The following ZNF185 variants were observed in gnomAD, a reference collection of about 807,000 sequenced individuals.
ZNF185 encodes zinc finger protein 185 with LIM domain, also known as zinc finger protein 185.
In ZNF185, 56 loss-of-function variants were observed where a neutral mutation model predicts 58.6. That is an observed-to-expected ratio of 0.95 (90% CI 0.77 to 1.19). The LOEUF (loss-of-function observed/expected upper bound fraction) is 1.19. Ranked by LOEUF, ZNF185 falls within the 50% of genes most tolerant of loss-of-function variation. ZNF185 has a pLI of 0.00. For missense variants in ZNF185, 627 were observed against 573.5 expected, an observed-to-expected ratio of 1.09 and a Z score of -0.95; for synonymous variants, 230 against 215.9, an observed-to-expected ratio of 1.07 and a Z score of -0.57.
exon 15 of ZNF185, chrX:152,938,090 G>A (rs2046567371): frequency 8.5e-7 from 1 of 1,179,600 alleles, no homozygotes; most frequent in Non-Finnish European, 1.1e-6. Context: ...TGCCACTTCA[G>A]TCTCTGCTGT....
At chrX:152,925,138 A>T (rs1479589322) in intron 11 of ZNF185, among the ~76,000 whole-genome samples, 1 of 112,056 alleles carries the variant, frequency 8.9e-6, no homozygotes, top group Admixed American at 9.4e-5. Context: ...ACAAAAAAAT[A>T]AAAAATAAAA....
intron 21 of ZNF185, 103 bp downstream of exon 23, chrX:152,969,587 G>A (rs1353225408): frequency 1.3e-5 from 8 of 607,489 alleles, no homozygotes; most frequent in Admixed American, 2.8e-5. Context: ...TTCAGAGACT[G>A]TGGAGGAGGC....
chrX:152,962,431 G>A (rs1243549160), intron 17 of ZNF185, among the ~76,000 whole-genome samples: 1 of 111,603 alleles, frequency 9.0e-6, no homozygotes, highest in Non-Finnish European at 1.9e-5. Context: ...CAGTTGCGCC[G>A]TCCCCTTCAG....
At chrX:152,949,144 C>T (rs1401108455) in intron 16 of ZNF185, among the ~76,000 whole-genome samples, 2 of 111,974 alleles carry the variant, frequency 1.8e-5, no homozygotes, top group African/African-American at 6.5e-5. Flanking sequence ...TGTGACCCCT[C>T]CTGGCTTAGG....
At chrX:152,935,096 T>A (rs782147614) in intron 14 of ZNF185, among the ~76,000 whole-genome samples, 5 of 111,867 alleles carry the variant, frequency 4.5e-5, no homozygotes, top group Non-Finnish European at 9.4e-5. Context: ...AGTGCTGGGA[T>A]TACAGGCATG....
exon 2 of ZNF185, chrX:152,914,748 G>A (rs782480857): frequency 1.3e-5 from 16 of 1,195,577 alleles, no homozygotes; most frequent in Admixed American, 2.3e-5. Context: ...GCGCAATAAC[G>A]TTCTCAAGCA....
At chrX:152,969,591 A>C in intron 21 of ZNF185, 107 bp downstream of exon 23, 1 of 587,206 alleles carries the variant, frequency 1.7e-6, no homozygotes, top group Non-Finnish European at 2.8e-6. Flanking sequence ...GAGACTGTGG[A>C]GGAGGCTTGA....
At chrX:152,945,396 C>T in exon 16 of ZNF185, 1 of 1,207,594 alleles carries the variant, frequency 8.3e-7, no homozygotes, top group Non-Finnish European at 1.1e-6. Context: ...CAGATCCCAG[C>T]ACCCCAGAGC....
chrX:152,904,401 C>A, the ZNF185 span, among the ~76,000 whole-genome samples: 1 of 112,838 alleles, frequency 8.9e-6, no homozygotes, highest in Non-Finnish European at 1.9e-5. Context: ...CTGCTCCATC[C>A]CCTTCCCAGA....
chrX:152,943,317 G>C (rs1016747762), intron 15 of ZNF185, among the ~76,000 whole-genome samples: 30 of 112,273 alleles, frequency 2.7e-4, no homozygotes, highest in African/African-American at 9.4e-4. Context: ...TTTTTTAAAA[G>C]AATGGAAGTG....
At chrX:152,929,161 G>C (rs1285990370) in intron 12 of ZNF185, among the ~76,000 whole-genome samples, 1 of 111,979 alleles carries the variant, frequency 8.9e-6, no homozygotes, top group African/African-American at 3.2e-5. Flanking sequence ...ACTGGGAATA[G>C]AGTGGGGTCA....
At chrX:152,964,065 A>G (rs2049850276) in intron 18 of ZNF185, 116 bp downstream of exon 20, 5 of 686,344 alleles carry the variant, frequency 7.3e-6, no homozygotes, top group Non-Finnish European at 1.1e-5. Flanking sequence ...CCCAGTTTCT[A>G]GCAGGCCATT....
chrX:152,948,578 C>T (rs1173396239), intron 16 of ZNF185, among the ~76,000 whole-genome samples: 3 of 111,743 alleles, frequency 2.7e-5, no homozygotes, highest in Non-Finnish European at 5.6e-5. Flanking sequence ...TGGGAGAGGA[C>T]TCTGGAAGCT....
intron 15 of ZNF185, among the ~76,000 whole-genome samples, chrX:152,943,620 A>G (rs1323307909): frequency 8.9e-6 from 1 of 112,564 alleles, no homozygotes; most frequent in Non-Finnish European, 1.9e-5. Context: ...CATAGGTCAT[A>G]TGTCCTAAAA....
rs147117630 is a variant in ZNF185 at position 152,959,925 on chromosome X, C to G, written c.1607+29C>G. ...CGAGCCAAACTGCACTGGGACCTTACCTGCTAGAGCCAGTGTTTTTGTCCA... is the reference window on the plus strand; with the variant it reads ...CGAGCCAAACTGCACTGGGACCTTAGCTGCTAGAGCCAGTGTTTTTGTCCA... On this transcript the variant is annotated intron_variant, in intron 17 of 22. Transcript: ENST00000449285. The G allele has an allele frequency of 2.5e-3, 2,992 of 1,177,440 alleles. 58 individuals carry two copies. The African/African-American group carries it at 0.046, about 18-fold the overall frequency.
At chrX:152,906,935 C>T in the ZNF185 span, among the ~76,000 whole-genome samples, 1 of 110,875 alleles carries the variant, frequency 9.0e-6, no homozygotes, top group African/African-American at 3.3e-5. Flanking sequence ...AGGCGTTTTG[C>T]TCCCTTGCCC....
At chrX:152,938,129 G>T in exon 15 of ZNF185, 1 of 1,185,968 alleles carries the variant, frequency 8.4e-7, no homozygotes, top group East Asian at 3.1e-5. Context: ...CAACAGCACA[G>T]CAGCCCAGGA....
intron 16 of ZNF185, among the ~76,000 whole-genome samples, chrX:152,959,059 C>T (rs953057149): frequency 4.4e-5 from 5 of 112,755 alleles, no homozygotes; most frequent in African/African-American, 1.6e-4. Flanking sequence ...AGTCCCGGTT[C>T]CTGCCGCCAG....
At chrX:152,906,694 G>A in the ZNF185 span, among the ~76,000 whole-genome samples, 4 of 112,015 alleles carry the variant, frequency 3.6e-5, no homozygotes, top group Admixed American at 3.8e-4. Context: ...TGGCACACGT[G>A]GGGTGGCAGA....
Sources: gnomAD v4.1 joint callset for allele counts (sites outside exome capture counted in the v4.1 genomes callset) on GRCh38, gnomAD v4.1.1 for gene constraint, MANE v1.5 for transcripts, NCBI Gene and HGNC (gene_info 2026-07-23, HGNC 2026-07-21) for gene names.